CARS2: variants seen among roughly 807,000 people sequenced by gnomAD.
CARS2 encodes the protein cysteinyl-tRNA synthetase 2, mitochondrial.
In CARS2, 52 loss-of-function variants were observed where a neutral mutation model predicts 68.8. The observed-to-expected ratio is 0.76, with a 90% CI of 0.61 to 0.95. The LOEUF (loss-of-function observed/expected upper bound fraction) is 0.95, where lower values mean the gene tolerates loss of function less well. Ranked by LOEUF, CARS2 falls within the 40% of genes least tolerant of loss-of-function variation. CARS2 has a pLI of 0.00. For synonymous variants in CARS2, 314 were observed against 303.6 expected (o/e 1.03, Z -0.36); for missense variants, 780 against 754.2 (o/e 1.03, Z -0.40).
At chr13:110,657,689 C>T (rs1332442456) in intron 9 of CARS2, among the ~76,000 whole-genome samples, 1 of 152,178 alleles carries the variant, frequency 6.6e-6, no homozygotes, top group Admixed American at 6.5e-5. Flanking sequence ...TTTGCAATAA[C>T]CAATGAAATA....
chr13:110,667,213 A>C (rs2062672683), intron 8 of CARS2, 127 bp downstream of exon 8: 1 of 884,074 alleles, frequency 1.1e-6, no homozygotes, highest in East Asian at 2.7e-5. Context: ...AAAATAATTT[A>C]AGAGGCAAAT....
At chr13:110,711,151 G>A (rs191952987), upstream of CARS2, among the ~76,000 whole-genome samples, 3 of 152,162 alleles carry the variant, frequency 2.0e-5, no homozygotes, top group Admixed American at 6.5e-5. Flanking sequence ...ATTCAACTTT[G>A]TACTCCCTCT....
Position 110,641,557 on chromosome 13 carries a change from CT to C in CARS2, c.1674del (p.Asp559ThrfsTer13). On this transcript the variant is annotated frameshift_variant, in exon 15 of 15. Coordinates refer to ENST00000257347, the MANE Select transcript of CARS2 (RefSeq NM_024537.4). LOFTEE classifies it high-confidence loss of function. Reference protein sequence around the residue: ...STWELLDQRTKDQKSAG With the variant: ...STWELLDQRTXDQKSAG Reference sequence around the variant, plus strand: ...CATCCTCAGCCCGCTGATTTTTGGTCTTTTGTCCTTTGATCCAGCAGTTCCC... The same window carrying C: ...CATCCTCAGCCCGCTGATTTTTGGTCTTTGTCCTTTGATCCAGCAGTTCCC... 6.2e-7 allele frequency: 1 copy of C among 1,614,046 alleles called. No individual in the cohort carries two copies. Among genetic ancestry groups the C allele is most frequent in the Non-Finnish European group, 8.5e-7 (1 of 1,179,946 alleles).
intron 11 of CARS2, 73 bp from the exon 12 acceptor site, chr13:110,646,163 TC>T: frequency 3.3e-6 from 5 of 1,522,308 alleles, no homozygotes; most frequent in Non-Finnish European, 4.4e-6. Context: ...CACCAGTCCT[TC>T]CCCAGGGAGA....
intron 14 of CARS2, among the ~76,000 whole-genome samples, chr13:110,642,057 C>T (rs758227855): frequency 4.0e-5 from 6 of 151,642 alleles, no homozygotes; most frequent in South Asian, 2.1e-4. Context: ...AAAAATCAGC[C>T]GAGCATGGGA....
rs1888037049 is a variant in CARS2, at chr13:110,645,855, G to A, written c.1317+112C>T. The A allele has an allele frequency of 6.8e-6, 9 of 1,324,900 alleles. 1 individual carries two copies. The East Asian group carries it at 1.3e-4, about 18-fold the overall frequency. The allele number at this position is 1,324,900 out of a possible 1,614,324, so 82.1% of individuals were successfully genotyped here. A position where few individuals can be genotyped will look rare whatever the true frequency, so the allele number is the denominator to read the frequency against. The stretch of plus-strand genomic sequence containing the variant: ...CCATGAGTTCCTCCACAGAAGCTGC[G>A]GGAGGCGAAATCAGCAGAGATGCCA... On this transcript the variant is annotated intron_variant, in intron 12 of 14. Coordinates refer to ENST00000257347, the MANE Select transcript of CARS2 (RefSeq NM_024537.4).
intron 3 of CARS2, among the ~76,000 whole-genome samples, chr13:110,692,135 T>C (rs1041749988): frequency 6.8e-6 from 1 of 147,608 alleles, no homozygotes; most frequent in Non-Finnish European, 1.5e-5. Context: ...TATATACATA[T>C]ATATGAGAAA....
chr13:110,670,504 G>C lies in CARS2; in HGVS notation c.786-3031C>G, dbSNP rs1346267493. Among the ~76,000 whole-genome samples, 1 of 152,188 alleles carries C rather than the reference G, an allele frequency of 6.6e-6. No homozygotes were observed. The highest frequency in any genetic ancestry group is 1.5e-5 in the Non-Finnish European group (1 of 68,040). Reference sequence around the variant, plus strand: ...CTGCAGCTGAGGGTCCTGACTGTTAGAAGGAAAACTAACAAACAGAAAGGA... The same window carrying C: ...CTGCAGCTGAGGGTCCTGACTGTTACAAGGAAAACTAACAAACAGAAAGGA... On this transcript the variant is annotated intron_variant, in intron 7 of 14. Coordinates refer to ENST00000257347, the MANE Select transcript of CARS2 (RefSeq NM_024537.4). The surrounding 1 kb of genome is among the most constrained non-coding windows in gnomAD (Gnocchi z 4.1).
chr13:110,697,336 G>A (rs968803507), intron 3 of CARS2, among the ~76,000 whole-genome samples: 3 of 152,254 alleles, frequency 2.0e-5, no homozygotes, highest in Admixed American at 6.5e-5. Context: ...TACATTTAAA[G>A]TGGGAGCCGA....
chr13:110,708,454 C>T (rs951426777), upstream of CARS2, among the ~76,000 whole-genome samples: 1 of 152,248 alleles, frequency 6.6e-6, no homozygotes. Flanking sequence ...TCTGGACATG[C>T]GGTATATTTG....
In CARS2 at chr13:110,642,970, G is replaced by A. The variant is rs576401896; in HGVS notation, c.1417-449C>T. 1.1e-3 allele frequency: 398 copies of A among 369,890 alleles called. 6 individuals are homozygous for A. Among genetic ancestry groups the A allele is most frequent in the African/African-American group, 6.6e-3 (314 of 47,480 alleles). 22.9% of individuals were successfully genotyped at this position (369,890 alleles called of 1,614,324 possible). On this transcript the variant is annotated intron_variant, in intron 13 of 14. Transcript: ENST00000257347. The stretch of plus-strand genomic sequence containing the variant: ...CTCAGGTGCTGAGGACGGGATTTGC[G>A]CAGAAGGCCTCGCGCTGTCCTCCCA...
chr13:110,662,081 A>G (rs932156919), intron 9 of CARS2, among the ~76,000 whole-genome samples: 2 of 152,262 alleles, frequency 1.3e-5, no homozygotes, highest in African/African-American at 4.8e-5. Flanking sequence ...GGGCTGCCAC[A>G]AACCTTCAAT....
chr13:110,692,284 A>T (rs1177777464), intron 3 of CARS2, among the ~76,000 whole-genome samples: 1 of 151,762 alleles, frequency 6.6e-6, no homozygotes, highest in African/African-American at 2.4e-5. Flanking sequence ...AGCCTGGCCA[A>T]CATGGAGAAA....
At chr13:110,667,226 AT>A in intron 8 of CARS2, 113 bp downstream of exon 8, 2 of 977,364 alleles carry the variant, frequency 2.0e-6, no homozygotes, top group Non-Finnish European at 3.0e-6. Context: ...AGGCAAATCC[AT>A]TTCTTGACCT....
chr13:110,706,394 A>C, upstream of CARS2: 1 of 213,242 alleles, frequency 4.7e-6, no homozygotes, highest in Non-Finnish European at 9.2e-6. Context: ...TCTCCTTATT[A>C]GCCCAGGTCC....
rs116940841 is a variant in CARS2 at position 110,689,900 on chromosome 13, G to A, written c.394-1882C>T. ...TCTTCTTGCCGCTTCAGACTCCCCC[G>A]GAAGTCTCAAATTCCATGCAATTTT... On this transcript the variant is annotated intron_variant, in intron 3 of 14. Transcript: ENST00000257347. Among the ~76,000 whole-genome samples the A allele has an allele frequency of 2.2e-3, 330 of 152,230 alleles. 2 individuals carry two copies. The East Asian group carries it at 0.026, about 12-fold the overall frequency.
chr13:110,649,724 G>A (rs890458140), intron 10 of CARS2, among the ~76,000 whole-genome samples: 25 of 152,264 alleles, frequency 1.6e-4, no homozygotes, highest in African/African-American at 6.0e-4. Flanking sequence ...AGTGTCAATG[G>A]AGCAGAGGGG....
At chr13:110,680,598 G>A (rs558789574) in intron 6 of CARS2, among the ~76,000 whole-genome samples, 10 of 142,896 alleles carry the variant, frequency 7.0e-5, no homozygotes, top group African/African-American at 2.6e-4. Context: ...ATTTAGAACT[G>A]GATTAAGCCT....
chr13:110,689,899 C>T (rs1409511050), intron 3 of CARS2, among the ~76,000 whole-genome samples: 5 of 152,262 alleles, frequency 3.3e-5, no homozygotes, highest in Middle Eastern at 3.4e-3. Flanking sequence ...CAGACTCCCC[C>T]GGAAGTCTCA....
Sources: allele counts gnomAD v4.1 joint callset (sites outside exome capture counted in the v4.1 genomes callset), GRCh38; gene constraint gnomAD v4.1.1; non-coding constraint Gnocchi (gnomAD v3.1); transcripts MANE v1.5; gene names NCBI Gene and HGNC (gene_info 2026-07-23, HGNC 2026-07-21).